Variants in DSCAML1 observed in about 807,000 individuals in gnomAD.
DSCAML1 encodes DS cell adhesion molecule like 1.
DSCAML1 carries 38 observed loss-of-function variants against 200.5 expected under a neutral mutation model. The observed-to-expected ratio is 0.19, with a 90% CI of 0.15 to 0.25. DSCAML1 has a LOEUF of 0.25. DSCAML1 is among the 10% of genes least tolerant of loss of function. The pLI is 1.00. For synonymous variants in DSCAML1, 1,215 were observed against 1,165.0 expected, an observed-to-expected ratio of 1.04 and a Z score of -0.87; for missense variants, 2,223 against 2,858.8, an observed-to-expected ratio of 0.78 and a Z score of 5.07.
intron 3 of DSCAML1, among the ~76,000 whole-genome samples, chr11:117,749,721 C>G (rs967694671): frequency 3.3e-5 from 5 of 152,224 alleles, no homozygotes; most frequent in Non-Finnish European, 7.3e-5. Flanking sequence ...CCAGCACGGT[C>G]GGGCTGAGCT....
intron 3 of DSCAML1, among the ~76,000 whole-genome samples, chr11:117,757,545 T>A (rs2054715169): frequency 6.7e-6 from 1 of 148,558 alleles, no homozygotes; most frequent in Non-Finnish European, 1.5e-5. Context: ...GTATAGAGCA[T>A]ACGCATTTTT....
intron 20 of DSCAML1, among the ~76,000 whole-genome samples, chr11:117,445,783 G>T (rs2048166134): frequency 6.6e-6 from 1 of 152,202 alleles, no homozygotes; most frequent in African/African-American, 2.4e-5. Context: ...GGGCAAGAAA[G>T]TTTGGCCTCT....
At chr11:117,810,288 A>G (rs535476892) in intron 1 of DSCAML1, among the ~76,000 whole-genome samples, 38 of 151,152 alleles carry the variant, frequency 2.5e-4, no homozygotes, top group Middle Eastern at 3.4e-3. Context: ...GGGAGGGGCA[A>G]GTACCCCTCA....
intron 21 of DSCAML1, among the ~76,000 whole-genome samples, chr11:117,442,061 T>C (rs985390433): frequency 2.6e-5 from 4 of 151,720 alleles, no homozygotes; most frequent in Admixed American, 6.6e-5. Flanking sequence ...TGTATGTGTG[T>C]GCGCAGATGC....
At chr11:117,433,313 G>A (rs1376308978) in intron 28 of DSCAML1, 57 bp from the exon 29 acceptor site, 3 of 1,569,072 alleles carry the variant, frequency 1.9e-6, no homozygotes, top group East Asian at 2.2e-5. Flanking sequence ...TTGGGGAAGG[G>A]GGCTCTGCAG....
chr11:117,625,868 A>G (rs2052032320), intron 3 of DSCAML1, among the ~76,000 whole-genome samples: 1 of 152,190 alleles, frequency 6.6e-6, no homozygotes, highest in Non-Finnish European at 1.5e-5. Context: ...AATGCCATCA[A>G]TGTCCCCTAT....
At chr11:117,497,096 C>T (rs1453279927) in intron 11 of DSCAML1, among the ~76,000 whole-genome samples, 4 of 152,128 alleles carry the variant, frequency 2.6e-5, no homozygotes, top group Non-Finnish European at 5.9e-5. Context: ...GACACATGCC[C>T]TCGAGTCTCC....
At chr11:117,777,947 C>T (rs530644327) in intron 2 of DSCAML1, among the ~76,000 whole-genome samples, 4 of 152,270 alleles carry the variant, frequency 2.6e-5, no homozygotes, top group East Asian at 1.9e-4. Context: ...TGCTGCCTCC[C>T]GACCTTGTCC....
intron 3 of DSCAML1, among the ~76,000 whole-genome samples, chr11:117,683,569 G>A (rs1252388089): frequency 3.3e-5 from 5 of 152,190 alleles, no homozygotes; most frequent in Non-Finnish European, 7.3e-5. Context: ...ACCAACCCAA[G>A]GTCACACAGC....
In DSCAML1 at chr11:117,480,626, C is replaced by T; in HGVS notation, c.2657-55G>A. Reference sequence around the variant, plus strand: ...TGAGGAGGGCAGCAGGGAGCTTGGCCTCCTGCTTGGCCCTGAGGATTGGCA... The same window carrying T: ...TGAGGAGGGCAGCAGGGAGCTTGGCTTCCTGCTTGGCCCTGAGGATTGGCA... On this transcript the variant is annotated intron_variant, in intron 13 of 32. Transcript: ENST00000651296. This position sits in a 1 kb window ranked among gnomAD's most constrained non-coding sequence, Gnocchi z 4.1. 2.6e-6 allele frequency: 4 copies of T among 1,543,992 alleles called. No individual in the cohort carries two copies. Among genetic ancestry groups the T allele is most frequent in the Middle Eastern group, 3.8e-4 (2 of 5,212 alleles).
intron 14 of DSCAML1, among the ~76,000 whole-genome samples, chr11:117,475,725 T>C (rs1592636180): frequency 6.6e-6 from 1 of 152,126 alleles, no homozygotes; most frequent in East Asian, 1.9e-4. Flanking sequence ...GCCATTCCCC[T>C]CCTTGCCTTG....
Position 117,537,577 on chromosome 11 carries a change from T to A in DSCAML1, c.512-5055A>T, listed in dbSNP as rs1370000375. Among the ~76,000 whole-genome samples, 6 of 152,230 alleles carry A rather than the reference T, an allele frequency of 3.9e-5. No individual in the cohort carries two copies. In the East Asian group the frequency reaches 1.2e-3, roughly 29 times the overall value. On this transcript the variant is annotated intron_variant, in intron 3 of 32. Coordinates refer to ENST00000651296, the MANE Select transcript of DSCAML1 (RefSeq NM_020693.4). ...ATCCCCCCAACAAATTAGTGCCTCC[T>A]AGGATCTGTGAATGTGACCTTACTG... is the stretch of plus-strand genomic sequence containing the variant.
At chr11:117,813,950 A>G (rs2055781370) in intron 1 of DSCAML1, among the ~76,000 whole-genome samples, 1 of 152,254 alleles carries the variant, frequency 6.6e-6, no homozygotes, top group Non-Finnish European at 1.5e-5. Context: ...ACTTGCACCT[A>G]TACGCCCAGA....
intron 5 of DSCAML1, among the ~76,000 whole-genome samples, chr11:117,522,290 C>T (rs1451479297): frequency 6.6e-6 from 1 of 152,216 alleles, no homozygotes; most frequent in Non-Finnish European, 1.5e-5. Flanking sequence ...TAACTCACAC[C>T]ACACTGAGCA....
intron 8 of DSCAML1, among the ~76,000 whole-genome samples, chr11:117,512,175 C>G (rs2049635019): frequency 6.6e-6 from 1 of 152,206 alleles, no homozygotes; most frequent in Non-Finnish European, 1.5e-5. Flanking sequence ...CCTGCCCCCG[C>G]AACTTGCCCT....
intron 3 of DSCAML1, among the ~76,000 whole-genome samples, chr11:117,705,393 G>T (rs1291301567): frequency 6.6e-6 from 1 of 152,108 alleles, no homozygotes; most frequent in East Asian, 1.9e-4. Context: ...GTGAAGCAAG[G>T]TACTTTCTAC....
chr11:117,616,227 A>T (rs1486363326), intron 3 of DSCAML1, among the ~76,000 whole-genome samples: 1 of 152,192 alleles, frequency 6.6e-6, no homozygotes, highest in Non-Finnish European at 1.5e-5. Flanking sequence ...GTTTTCACTC[A>T]AAGGCACTAT....
intron 22 of DSCAML1, 41 bp from the exon 23 acceptor site, chr11:117,439,470 AC>A (rs745703916): frequency 1.3e-6 from 2 of 1,591,202 alleles, no homozygotes; most frequent in East Asian, 2.2e-5. Context: ...CATGTCAAGC[AC>A]CCCTTCCTCC....
In DSCAML1 at chr11:117,776,918, G is replaced by A. The variant is rs112436404; in HGVS notation, c.384C>T (p.Thr128=). ...RVKAVFREPY[T]VRVEDQRSMR... Reference sequence around the variant, plus strand: ...TTGACCTTTGATCCTCCACCCGGACGGTGTAGGGTTCCCTGAAAACTGCAG... The same window carrying A: ...TTGACCTTTGATCCTCCACCCGGACAGTGTAGGGTTCCCTGAAAACTGCAG... The change falls in exon 3 of 33, where the codon ACC becomes ACT. Residue 128 remains threonine (T), a synonymous_variant. Coordinates refer to ENST00000651296, the MANE Select transcript of DSCAML1 (RefSeq NM_020693.4). 33 of 1,613,990 alleles carry A rather than the reference G, an allele frequency of 2.0e-5. No homozygotes were observed. The highest frequency in any genetic ancestry group is 3.3e-5 in the Admixed American group (2 of 60,016).
Sources: gnomAD v4.1 joint callset for allele counts (sites outside exome capture counted in the v4.1 genomes callset) on GRCh38, gnomAD v4.1.1 for gene constraint, Gnocchi (gnomAD v3.1) non-coding constraint, MANE v1.5 for transcripts, NCBI Gene and HGNC (gene_info 2026-07-23, HGNC 2026-07-21) for gene names.